ITGAV: variants seen among roughly 807,000 people sequenced by gnomAD.
ITGAV encodes the protein integrin subunit alpha V.
Under a neutral mutation model 143.8 loss-of-function variants are expected in ITGAV, and 76 were observed. That is an observed-to-expected ratio of 0.53 (90% CI 0.44 to 0.64). The LOEUF (loss-of-function observed/expected upper bound fraction) is 0.64, where lower values mean the gene tolerates loss of function less well. Among genes scored for constraint, ITGAV ranks in the 30% least tolerant of loss-of-function variants. ITGAV has a pLI of 0.00. For synonymous variants in ITGAV, 453 were observed against 446.7 expected (o/e 1.01, Z -0.18); for missense variants, 1,193 against 1,274.7 (o/e 0.94, Z 0.98).
intron 3 of ITGAV, among the ~76,000 whole-genome samples, chr2:186,623,047 A>G (rs1234089755): frequency 2.0e-5 from 3 of 152,032 alleles, no homozygotes; most frequent in Non-Finnish European, 4.4e-5. Flanking sequence ...ATACGACACG[A>G]TGTTGAAGTG....
intron 4 of ITGAV, among the ~76,000 whole-genome samples, chr2:186,627,326 T>A (rs1687701879): frequency 6.6e-6 from 1 of 152,198 alleles, no homozygotes; most frequent in South Asian, 2.1e-4. Context: ...CCCAAGTTGT[T>A]CTATTCCAAA....
chr2:186,599,248 T>C (rs1464115184), intron 1 of ITGAV, among the ~76,000 whole-genome samples: 1 of 152,194 alleles, frequency 6.6e-6, no homozygotes, highest in African/African-American at 2.4e-5. Flanking sequence ...TTCTTGAGAT[T>C]AAAGACAAAA....
intron 5 of ITGAV, among the ~76,000 whole-genome samples, chr2:186,632,157 A>G (rs963166693): frequency 3.9e-5 from 6 of 152,174 alleles, no homozygotes; most frequent in African/African-American, 7.2e-5. Flanking sequence ...ATTTCATACT[A>G]TATTACTCAA....
intron 17 of ITGAV, among the ~76,000 whole-genome samples, chr2:186,658,244 T>A (rs1199745730): frequency 2.6e-5 from 4 of 152,140 alleles, no homozygotes; most frequent in Non-Finnish European, 4.4e-5. Context: ...AAAAAGGTTT[T>A]AGAGTAAATT....
chr2:186,625,837 C>A (rs974166138), intron 4 of ITGAV, among the ~76,000 whole-genome samples: 1 of 152,008 alleles, frequency 6.6e-6, no homozygotes, highest in East Asian at 1.9e-4. Flanking sequence ...TAGTTACTAC[C>A]TGATTTTAAG....
At chr2:186,660,013 G>A (rs1486031338) in intron 18 of ITGAV, among the ~76,000 whole-genome samples, 1 of 151,802 alleles carries the variant, frequency 6.6e-6, no homozygotes, top group Non-Finnish European at 1.5e-5. Flanking sequence ...ACAATATTAT[G>A]TTGATTAATA....
rs201504027 is a variant in ITGAV, at chr2:186,636,103, T to C, written c.653T>C (p.Val218Ala). ...TTAGGTCAGCTTATTTCGGATCAAG[T>C]GGCAGAAATCGTATCTAAATACGAC... Reference protein sequence around the residue: ...YWQGQLISDQVAEIVSKYDPN... With the variant: ...YWQGQLISDQAAEIVSKYDPN... The change falls in exon 7 of 30, where the codon GTG (valine) becomes GCG (alanine). Residue 218 changes from valine (V) to alanine (A), a missense_variant. Transcript: ENST00000261023. The C allele has an allele frequency of 6.2e-7, 1 of 1,613,094 alleles. No individual in the cohort carries two copies. Among genetic ancestry groups the C allele is most frequent in the Non-Finnish European group, 8.5e-7 (1 of 1,179,556 alleles).
rs1013738573 is a variant in ITGAV, at chr2:186,590,278, T to G, written c.-61T>G. 2.4e-5 allele frequency: 33 copies of G among 1,356,164 alleles called. No individual in the cohort carries two copies. In the Admixed American group the frequency reaches 1.2e-3, roughly 49 times the overall value. 84.0% of individuals were successfully genotyped at this position (1,356,164 alleles called of 1,614,324 possible). On this transcript the variant is annotated 5_prime_UTR_variant, in exon 1 of 30. Transcript: ENST00000261023. ...CGGCGGGCCGCGGGCACTGGGCGCC[T>G]CGCTGGGGCGGGGGGAGGTGGCTAC...
chr2:186,626,228 T>C (rs1260958835), intron 4 of ITGAV, among the ~76,000 whole-genome samples: 1 of 152,198 alleles, frequency 6.6e-6, no homozygotes, highest in Non-Finnish European at 1.5e-5. Context: ...TAATATTACT[T>C]GAAATTTCAA....
intron 26 of ITGAV, among the ~76,000 whole-genome samples, chr2:186,674,067 G>A (rs1246023812): frequency 6.6e-6 from 1 of 152,068 alleles, no homozygotes; most frequent in Non-Finnish European, 1.5e-5. Flanking sequence ...TCGAAATCCT[G>A]GGCTCAAGCA....
intron 2 of ITGAV, among the ~76,000 whole-genome samples, chr2:186,603,112 T>A (rs1229268308): frequency 6.6e-6 from 1 of 152,164 alleles, no homozygotes; most frequent in Non-Finnish European, 1.5e-5. Flanking sequence ...CAGAATTCTG[T>A]ACGCATTTAT....
At chr2:186,674,052 C>G (rs982276678) in intron 26 of ITGAV, among the ~76,000 whole-genome samples, 7 of 152,196 alleles carry the variant, frequency 4.6e-5, no homozygotes, top group African/African-American at 1.7e-4. Flanking sequence ...TAGCTTACTG[C>G]AACCTCGAAA....
rs773111005 is a variant in ITGAV at position 186,659,023 on chromosome 2, C to A, written c.1720-15C>A. The A allele has an allele frequency of 6.3e-7, 1 of 1,596,714 alleles. No individual in the cohort carries two copies. The highest frequency in any genetic ancestry group is 8.6e-7 in the Non-Finnish European group (1 of 1,168,948). On this transcript the variant is annotated splice_polypyrimidine_tract_variant and intron_variant, in intron 17 of 29. Coordinates refer to ENST00000261023, the MANE Select transcript of ITGAV (RefSeq NM_002210.5). ...GGTTGACGTTATCATTAATTCAAAG[C>A]GTTTCCATTTCTAGGATGAATCTGA...
intron 29 of ITGAV, 61 bp downstream of exon 29, chr2:186,676,996 A>G (rs1689231571): frequency 7.8e-6 from 12 of 1,546,330 alleles, no homozygotes; most frequent in Middle Eastern, 3.4e-4. Flanking sequence ...AAAGGGAAGA[A>G]GGAAAAGAAG....
At chr2:186,592,094 A>G (rs1686630341) in intron 1 of ITGAV, among the ~76,000 whole-genome samples, 1 of 152,208 alleles carries the variant, frequency 6.6e-6, no homozygotes, top group African/African-American at 2.4e-5. Context: ...TAATTTGTAG[A>G]GAAATTCTAA....
chr2:186,665,103 T>A, intron 20 of ITGAV, 23 bp from the exon 21 acceptor site: 1 of 1,394,752 alleles, frequency 7.2e-7, no homozygotes. Context: ...TCCATTTTTT[T>A]TTTTTTTTTT....
chr2:186,668,201 TATATATATATATA>T (rs1688958300), intron 24 of ITGAV, among the ~76,000 whole-genome samples: 7 of 17,686 alleles, frequency 4.0e-4, no homozygotes, highest in South Asian at 1.3e-3. Flanking sequence ...TATATATATA[TATATATATATATA>T]TATTTTTTTT....
At chr2:186,600,959 CAAAA>C (rs556490103) in intron 1 of ITGAV, among the ~76,000 whole-genome samples, 1 of 93,058 alleles carries the variant, frequency 1.1e-5, no homozygotes, top group African/African-American at 3.8e-5. Context: ...GACTCTGTCT[CAAAA>C]AAAAAAAAAA....
intron 5 of ITGAV, among the ~76,000 whole-genome samples, chr2:186,631,505 GTT>G (rs1347804111): frequency 1.3e-5 from 2 of 151,984 alleles, no homozygotes; most frequent in African/African-American, 4.8e-5. Context: ...TCTTTTGTGT[GTT>G]TATTTATTTT....
Sources: gnomAD v4.1 joint callset for allele counts (sites outside exome capture counted in the v4.1 genomes callset) on GRCh38, gnomAD v4.1.1 for gene constraint, MANE v1.5 for transcripts, NCBI Gene and HGNC (gene_info 2026-07-23, HGNC 2026-07-21) for gene names.